PSD3: variants seen among roughly 807,000 people sequenced by gnomAD.
The protein encoded by PSD3 is pleckstrin and Sec7 domain containing 3.
Under a neutral mutation model 105.5 loss-of-function variants are expected in PSD3, and 49 were observed. The observed-to-expected ratio is 0.46, with a 90% confidence interval of 0.37 to 0.59. PSD3 has a LOEUF of 0.59. PSD3 is among the 20% of genes least tolerant of loss of function. The pLI is 0.00. For synonymous variants in PSD3, 557 were observed against 457.8 expected, an observed-to-expected ratio of 1.22 and a Z score of -2.77; for missense variants, 1,561 against 1,263.8, an observed-to-expected ratio of 1.24 and a Z score of -3.57.
At chr8:18,954,081 GTA>G (rs1284619054) in intron 1 of PSD3, among the ~76,000 whole-genome samples, 2 of 152,074 alleles carry the variant, frequency 1.3e-5, no homozygotes, top group Non-Finnish European at 2.9e-5. Context: ...GCCATTTAAT[GTA>G]TACACTTGCT....
chr8:18,999,269 G>A (rs901663898), intron 1 of PSD3, among the ~76,000 whole-genome samples: 1 of 151,894 alleles, frequency 6.6e-6, no homozygotes, highest in Admixed American at 6.6e-5. Context: ...ACTCCAGGAT[G>A]TCTCACAAGG....
intron 9 of PSD3, among the ~76,000 whole-genome samples, chr8:18,753,377 A>C (rs1034199057): frequency 2.0e-5 from 3 of 152,002 alleles, no homozygotes; most frequent in African/African-American, 7.2e-5. Flanking sequence ...ATCCACACAA[A>C]AGAAAAGAAT....
intron 9 of PSD3, among the ~76,000 whole-genome samples, chr8:18,726,470 T>C (rs1048914810): frequency 2.0e-5 from 3 of 152,246 alleles, no homozygotes; most frequent in African/African-American, 7.2e-5. Context: ...CTGATTATAA[T>C]CATTACGTTA....
intron 9 of PSD3, among the ~76,000 whole-genome samples, chr8:18,755,193 C>T (rs748201072): frequency 6.6e-6 from 1 of 152,048 alleles, no homozygotes; most frequent in Admixed American, 6.6e-5. Flanking sequence ...CTTTGGGAGG[C>T]CATGGTGGGC....
intron 15 of PSD3, among the ~76,000 whole-genome samples, chr8:18,551,001 A>G (rs1239439021): frequency 6.6e-6 from 1 of 152,186 alleles, no homozygotes; most frequent in Non-Finnish European, 1.5e-5. Context: ...TTCGCTAGGA[A>G]GACCAAGGGA....
chr8:19,067,805 G>C (rs1829126649), intron 1 of PSD3, among the ~76,000 whole-genome samples: 2 of 152,166 alleles, frequency 1.3e-5, no homozygotes, highest in Non-Finnish European at 2.9e-5. Context: ...GTGACTACTG[G>C]GCTTATCAAA....
In PSD3 at chr8:18,556,539, G is replaced by A. The variant is rs367671691; in HGVS notation, c.2785-187C>T. Among the ~76,000 whole-genome samples, 23 of 152,098 alleles carry A rather than the reference G, an allele frequency of 1.5e-4. No individual in the cohort carries two copies. The South Asian group carries it at 3.9e-3, about 26-fold the overall frequency. ...CCACATATTTCATATATTCCTTCCC[G>A]GGATGGCAATCAAGGCCAACCTCTT... On this transcript the variant is annotated intron_variant, in intron 14 of 15. Coordinates refer to ENST00000327040, the MANE Select transcript of PSD3 (RefSeq NM_015310.4).
At chr8:18,983,488 G>T (rs553307862) in intron 1 of PSD3, among the ~76,000 whole-genome samples, 3 of 152,274 alleles carry the variant, frequency 2.0e-5, no homozygotes, top group African/African-American at 7.2e-5. Context: ...TCATTTATTT[G>T]ATTTCAAGTG....
In PSD3 at chr8:18,913,080, CACACAA is replaced by C. The variant is rs1414963559; in HGVS notation, c.130+22948_130+22953del. On this transcript the variant is annotated intron_variant, in intron 2 of 15. Coordinates refer to ENST00000327040, the MANE Select transcript of PSD3 (RefSeq NM_015310.4). ...AAACAACTTTATAAACACACACACA[CACACAA>C]ACACACACACACACACACACACACA... Among the ~76,000 whole-genome samples, 579 of 122,610 alleles carry C rather than the reference CACACAA, an allele frequency of 4.7e-3. 6 individuals carry two copies. Among genetic ancestry groups the C allele is most frequent in the African/African-American group, 0.016 (539 of 32,748 alleles). 80.4% of individuals were successfully genotyped at this position (122,610 alleles called of 152,430 possible).
chr8:18,891,851 T>C (rs1409565075), intron 2 of PSD3, among the ~76,000 whole-genome samples: 2 of 152,228 alleles, frequency 1.3e-5, no homozygotes, highest in Admixed American at 1.3e-4. Flanking sequence ...CCCTCTCTTC[T>C]GGTATCTTTT....
At chr8:18,710,979 G>C (rs1173524850) in intron 9 of PSD3, among the ~76,000 whole-genome samples, 2 of 150,992 alleles carry the variant, frequency 1.3e-5, no homozygotes, top group South Asian at 2.1e-4. Context: ...CACTGCGCCT[G>C]GTCTCAACAT....
intron 12 of PSD3, among the ~76,000 whole-genome samples, chr8:18,581,040 C>G (rs771426666): frequency 6.6e-6 from 1 of 152,122 alleles, no homozygotes; most frequent in Non-Finnish European, 1.5e-5. Flanking sequence ...AGACACAAAG[C>G]CCATGACAGA....
intron 1 of PSD3, among the ~76,000 whole-genome samples, chr8:19,041,148 C>G (rs1828111327): frequency 6.6e-6 from 1 of 152,190 alleles, no homozygotes; most frequent in Non-Finnish European, 1.5e-5. Context: ...CCTCCTGCCT[C>G]AGCCTCCCAA....
At chr8:19,067,232 A>G (rs908645999) in intron 1 of PSD3, among the ~76,000 whole-genome samples, 2 of 152,194 alleles carry the variant, frequency 1.3e-5, no homozygotes, top group Non-Finnish European at 2.9e-5. Context: ...ATAGTAACTA[A>G]TAGTAACTAC....
intron 7 of PSD3, among the ~76,000 whole-genome samples, chr8:18,799,737 G>A (rs932794786): frequency 8.5e-5 from 13 of 152,090 alleles, no homozygotes; most frequent in Non-Finnish European, 1.5e-5. Flanking sequence ...GTAAATATGA[G>A]CCTCCAAAGA....
At chr8:18,569,066 A>G in intron 14 of PSD3, among the ~76,000 whole-genome samples, 3 of 130,354 alleles carry the variant, frequency 2.3e-5, no homozygotes, top group African/African-American at 8.3e-5. Context: ...GTAGTATTCC[A>G]TGGTGTATAT....
At chr8:18,595,373 C>T (rs1048149354) in intron 12 of PSD3, among the ~76,000 whole-genome samples, 10 of 150,046 alleles carry the variant, frequency 6.7e-5, no homozygotes, top group South Asian at 2.1e-4. Flanking sequence ...GTTTCTCTAT[C>T]GATAATTACT....
chr8:18,858,070 A>C lies in PSD3; in HGVS notation c.1634+9604T>G, dbSNP rs375370872. Among the ~76,000 whole-genome samples, 87 of 152,324 alleles carry C rather than the reference A, an allele frequency of 5.7e-4. 2 individuals carry two copies. In the South Asian group the frequency reaches 0.018, roughly 31 times the overall value. ...TGACCACTGTCTGTCTCAAGTACTA[A>C]AAATGAAGGCTCTGCTAACAGCTTG... On this transcript the variant is annotated intron_variant, in intron 4 of 15. Transcript: ENST00000327040.
At chr8:18,591,796 G>C (rs1271468808) in intron 12 of PSD3, among the ~76,000 whole-genome samples, 1 of 152,148 alleles carries the variant, frequency 6.6e-6, no homozygotes, top group Non-Finnish European at 1.5e-5. Context: ...TGGCTGCTTA[G>C]AACAGGGGAC....
Sources: gnomAD v4.1 joint callset for allele counts (sites outside exome capture counted in the v4.1 genomes callset) on GRCh38, gnomAD v4.1.1 for gene constraint, MANE v1.5 for transcripts, NCBI Gene and HGNC (gene_info 2026-07-23, HGNC 2026-07-21) for gene names.